The following ATG4A variants were observed in gnomAD, a reference collection of about 807,000 sequenced individuals.
The protein encoded by ATG4A is cysteine protease ATG4A.
A neutral mutation model predicts 38.4 loss-of-function variants in ATG4A; 22 were observed. The ratio of observed to expected loss-of-function variants is 0.57; its 90% CI spans 0.41 to 0.82. ATG4A has a LOEUF of 0.82. ATG4A is among the 40% of genes least tolerant of loss of function. The probability of loss-of-function intolerance (pLI) is 0.00; values close to 1 mark genes in which losing one functional copy is unlikely to be tolerated. For missense variants in ATG4A, 220 were observed against 290.0 expected (o/e 0.76, Z 1.75); for synonymous variants, 86 against 100.7 (o/e 0.85, Z 0.88).
At chrX:108,095,014 G>A (rs2031761749) in intron 1 of ATG4A, among the ~76,000 whole-genome samples, 1 of 112,411 alleles carries the variant, frequency 8.9e-6, no homozygotes, top group East Asian at 2.8e-4. Flanking sequence ...GAATGCAGTG[G>A]CACGATCTTG....
At chrX:108,141,071 C>CGTGTATAT in intron 9 of ATG4A, among the ~76,000 whole-genome samples, 1 of 35,047 alleles carries the variant, frequency 2.9e-5, no homozygotes, top group Non-Finnish European at 4.7e-5. Flanking sequence ...TATATATATA[C>CGTGTATAT]ATATATATAT....
At chrX:108,149,807 G>A (rs1431045872) in intron 9 of ATG4A, among the ~76,000 whole-genome samples, 1 of 112,294 alleles carries the variant, frequency 8.9e-6, no homozygotes, top group South Asian at 3.7e-4. Flanking sequence ...CTGGGCCCAC[G>A]ACCTGGTGAC....
chrX:108,137,289 AG>A, intron 7 of ATG4A, 119 bp downstream of exon 7: 1 of 538,640 alleles, frequency 1.9e-6, no homozygotes, highest in Admixed American at 3.6e-5. Context: ...AGGGGAGCTT[AG>A]GGGAGCACAG....
intron 1 of ATG4A, among the ~76,000 whole-genome samples, chrX:108,113,081 T>C (rs1484646418): frequency 9.0e-6 from 1 of 111,583 alleles, no homozygotes; most frequent in Non-Finnish European, 1.9e-5. Context: ...AGTATTTACC[T>C]TCTCTAGTCC....
At chrX:108,092,980 T>C (rs3903811) in intron 1 of ATG4A, among the ~76,000 whole-genome samples, 3,701 of 111,971 alleles carry the variant, frequency 0.033, 141 homozygotes, top group African/African-American at 0.11. Context: ...ATTTAATTTT[T>C]CAAAAATTTC....
rs190434018 is a variant in ATG4A at position 108,105,954 on chromosome X, G to A, written c.10+14118G>A. On this transcript the variant is annotated intron_variant, in intron 1 of 12. Coordinates refer to ENST00000372232, the MANE Select transcript of ATG4A (RefSeq NM_052936.5). ...TTAATGTGGTTATTCTTGACTTTGT[G>A]CTTACCTAGGGTATGCAACTTCTTA... is the stretch of plus-strand genomic sequence containing the variant. Among the ~76,000 whole-genome samples the A allele has an allele frequency of 1.4e-4, 15 of 111,072 alleles. No homozygotes were observed. In the East Asian group the frequency reaches 3.4e-3, roughly 25 times the overall value.
At position 108,134,338 on chromosome X, in the gene ATG4A, G is replaced by T; in HGVS notation, c.395-1G>T. ...GTTATTTTTTTCCACATTAAAAACA[G>T]CACAAATGGGTGTAGGAGAAGGGAA... On this transcript the variant is annotated splice_acceptor_variant, in intron 5 of 12. Coordinates refer to ENST00000372232, the MANE Select transcript of ATG4A (RefSeq NM_052936.5). LOFTEE classifies it high-confidence loss of function. The T allele has an allele frequency of 1.7e-6, 2 of 1,209,102 alleles. No individual in the cohort carries two copies. Among genetic ancestry groups the T allele is most frequent in the Non-Finnish European group, 1.1e-6 (1 of 894,013 alleles).
intron 1 of ATG4A, among the ~76,000 whole-genome samples, chrX:108,110,606 C>T (rs1347758402): frequency 8.9e-6 from 1 of 111,760 alleles, no homozygotes; most frequent in Non-Finnish European, 1.9e-5. Flanking sequence ...CTTACCACTA[C>T]ACTCATTAGC....
At position 108,154,047 on chromosome X, in the gene ATG4A, A is replaced by T; in HGVS notation, c.*335A>T. 1 of 163,529 alleles carries T rather than the reference A, an allele frequency of 6.1e-6. No homozygotes were observed. Among genetic ancestry groups the T allele is most frequent in the Non-Finnish European group, 1.1e-5 (1 of 87,026 alleles). 13.5% of individuals were successfully genotyped at this position (163,529 alleles called of 1,213,427 possible). ...ATGGGCATCTGGAAGACAAACAGCA[A>T]CTCTCAGCTTGCTTCAAGAACCAGC... On this transcript the variant is annotated 3_prime_UTR_variant, in exon 13 of 13. Coordinates refer to ENST00000372232, the MANE Select transcript of ATG4A (RefSeq NM_052936.5).
chrX:108,124,513 G>A (rs1243250310), intron 1 of ATG4A, among the ~76,000 whole-genome samples: 5 of 107,872 alleles, frequency 4.6e-5, no homozygotes, highest in Non-Finnish European at 7.7e-5. Flanking sequence ...GTGTAGTGGC[G>A]CGATCTTGGC....
intron 11 of ATG4A, 98 bp downstream of exon 11, chrX:108,151,956 T>C: frequency 4.0e-6 from 3 of 753,347 alleles, no homozygotes. Context: ...CCTACTCTGA[T>C]ACGACTTTAC....
intron 6 of ATG4A, among the ~76,000 whole-genome samples, chrX:108,136,105 T>C (rs1314409487): frequency 9.4e-6 from 1 of 106,238 alleles, no homozygotes; most frequent in Non-Finnish European, 2.0e-5. Flanking sequence ...AGAATGTAAA[T>C]GGGTTCCAAT....
intron 1 of ATG4A, among the ~76,000 whole-genome samples, chrX:108,121,163 A>G (rs927483477): frequency 1.9e-4 from 21 of 111,879 alleles, no homozygotes; most frequent in African/African-American, 6.8e-4. Context: ...GCCTGTGCAC[A>G]GGTGAGCAGA....
chrX:108,125,919 G>C (rs773035281), intron 1 of ATG4A, among the ~76,000 whole-genome samples, 158 bp from the exon 2 acceptor site: 2 of 112,350 alleles, frequency 1.8e-5, no homozygotes, highest in East Asian at 5.6e-4. Flanking sequence ...AAAGGATTTA[G>C]AGGTCTTGTG....
intron 1 of ATG4A, among the ~76,000 whole-genome samples, chrX:108,116,473 G>A (rs1045426613): frequency 8.1e-5 from 9 of 111,771 alleles, no homozygotes; most frequent in Non-Finnish European, 1.5e-4. Flanking sequence ...CACTTCACAT[G>A]CTGTGAGACA....
intron 9 of ATG4A, among the ~76,000 whole-genome samples, chrX:108,144,272 G>C (rs2033373556): frequency 8.9e-6 from 1 of 112,831 alleles, no homozygotes; most frequent in Non-Finnish European, 1.9e-5. Context: ...CTTGGCAGAA[G>C]CATTGCATAC....
intron 1 of ATG4A, among the ~76,000 whole-genome samples, chrX:108,122,496 A>G (rs2147991231): frequency 9.0e-6 from 1 of 111,665 alleles, no homozygotes; most frequent in Admixed American, 9.5e-5. Context: ...CCCTATTCCC[A>G]TCCCTTTCTC....
chrX:108,145,853 G>A (rs755152292), intron 9 of ATG4A, among the ~76,000 whole-genome samples: 6 of 111,742 alleles, frequency 5.4e-5, no homozygotes, highest in African/African-American at 2.0e-4. Flanking sequence ...AATGACCACG[G>A]GATGAGTCTG....
chrX:108,104,894 C>T, intron 1 of ATG4A, among the ~76,000 whole-genome samples: 1 of 106,170 alleles, frequency 9.4e-6, no homozygotes, highest in Non-Finnish European at 1.9e-5. Context: ...TTTCTTCTGC[C>T]CTATCAAGCC....
Sources: allele counts gnomAD v4.1 joint callset (sites outside exome capture counted in the v4.1 genomes callset), GRCh38; gene constraint gnomAD v4.1.1; transcripts MANE v1.5; gene names NCBI Gene and HGNC (gene_info 2026-07-23, HGNC 2026-07-21).